The following THSD4 variants were observed in gnomAD, a reference collection of about 807,000 sequenced individuals.
The protein encoded by THSD4 is thrombospondin type 1 domain containing 4, also known as thrombospondin type-1 domain-containing protein 4.
Under a neutral mutation model 119.0 loss-of-function variants are expected in THSD4, and 69 were observed. That is an observed-to-expected ratio of 0.58 (90% CI 0.48 to 0.71). The LOEUF is 0.71. THSD4 is among the 30% of genes least tolerant of loss of function. The pLI is 0.00. For synonymous variants in THSD4, 524 were observed against 540.4 expected (o/e 0.97, Z 0.42); for missense variants, 1,393 against 1,391.1 (o/e 1.00, Z -0.02).
chr15:71,627,436 G>A (rs2050530622), intron 7 of THSD4, among the ~76,000 whole-genome samples: 1 of 152,196 alleles, frequency 6.6e-6, no homozygotes, highest in African/African-American at 2.4e-5. Flanking sequence ...ATCTGAGCTT[G>A]CACAAGCTCA....
intron 1 of THSD4, among the ~76,000 whole-genome samples, chr15:71,130,428 T>C (rs1325231070): frequency 6.6e-6 from 1 of 152,062 alleles, no homozygotes; most frequent in African/African-American, 2.4e-5. Flanking sequence ...CTCAAGTAAT[T>C]CTCAACCTTG....
chr15:71,232,038 A>C (rs991233979), intron 4 of THSD4, among the ~76,000 whole-genome samples: 9 of 151,692 alleles, frequency 5.9e-5, no homozygotes, highest in Non-Finnish European at 1.3e-4. Flanking sequence ...GAGGCTGCAC[A>C]CTCCCTTCCT....
chr15:71,680,849 T>C (rs1418510960), intron 8 of THSD4, among the ~76,000 whole-genome samples: 2 of 152,008 alleles, frequency 1.3e-5, no homozygotes, highest in African/African-American at 2.4e-5. Context: ...GTAAAACAGG[T>C]AAAGCATCTA....
rs572363357 is a variant in THSD4, at chr15:71,222,269, C to A, written c.464+6870C>A. Among the ~76,000 whole-genome samples the A allele has an allele frequency of 2.0e-5, 3 of 152,286 alleles. No homozygotes were observed. The South Asian group carries it at 6.2e-4, about 32-fold the overall frequency. Reference sequence around the variant, plus strand: ...ACAAAGACAGGGTATGAGAGCAGTGCCCTCTCTTATTTGAGGACTTCAGGT... The same window carrying A: ...ACAAAGACAGGGTATGAGAGCAGTGACCTCTCTTATTTGAGGACTTCAGGT... On this transcript the variant is annotated intron_variant, in intron 4 of 17. Coordinates refer to ENST00000261862, the MANE Select transcript of THSD4 (RefSeq NM_024817.3).
chr15:71,174,444 C>T (rs1197784561), intron 3 of THSD4, among the ~76,000 whole-genome samples: 12 of 144,442 alleles, frequency 8.3e-5, no homozygotes, highest in African/African-American at 1.3e-4. Context: ...TAAGAAACGG[C>T]GCACCACGAG....
intron 6 of THSD4, among the ~76,000 whole-genome samples, chr15:71,316,647 A>G (rs2045190130): frequency 6.6e-6 from 1 of 152,142 alleles, no homozygotes; most frequent in Non-Finnish European, 1.5e-5. Flanking sequence ...CTGAAGGCCT[A>G]GATACAACTG....
intron 7 of THSD4, among the ~76,000 whole-genome samples, chr15:71,549,230 C>G (rs570830097): frequency 6.6e-6 from 1 of 152,172 alleles, no homozygotes; most frequent in Non-Finnish European, 1.5e-5. Context: ...CTAGAAAACC[C>G]GATCAGAGGT....
chr15:71,259,900 A>G (rs1279491634), intron 6 of THSD4, among the ~76,000 whole-genome samples: 12 of 152,168 alleles, frequency 7.9e-5, no homozygotes, highest in Admixed American at 7.9e-4. Flanking sequence ...CTTTTGTCTG[A>G]GCTGCACCCT....
intron 7 of THSD4, among the ~76,000 whole-genome samples, chr15:71,622,082 G>A (rs758860143): frequency 3.4e-4 from 51 of 152,176 alleles, no homozygotes; most frequent in Non-Finnish European, 5.3e-4. Flanking sequence ...AGCAATTCCC[G>A]ATGCCAAAAG....
intron 6 of THSD4, among the ~76,000 whole-genome samples, chr15:71,377,925 G>A (rs2046171707): frequency 1.4e-5 from 1 of 72,256 alleles, no homozygotes; most frequent in Non-Finnish European, 3.0e-5. Flanking sequence ...ATTTCCTTCA[G>A]TGACTCTTCT....
chr15:71,549,577 TGTC>T (rs1165225296), intron 7 of THSD4: 11 of 152,242 alleles, frequency 7.2e-5, no homozygotes, highest in African/African-American at 2.4e-4. Flanking sequence ...TCTTTTTTAT[TGTC>T]GTGTTACTTG....
At chr15:71,243,717 C>G (rs2044174209) in intron 5 of THSD4, among the ~76,000 whole-genome samples, 2 of 150,952 alleles carry the variant, frequency 1.3e-5, no homozygotes, top group Admixed American at 6.6e-5. Flanking sequence ...TTGATTTTAT[C>G]TTCATGCATT....
intron 8 of THSD4, among the ~76,000 whole-genome samples, chr15:71,674,311 G>C (rs1042324359): frequency 6.6e-6 from 1 of 152,114 alleles, no homozygotes; most frequent in Non-Finnish European, 1.5e-5. Flanking sequence ...TTTCCAGCTG[G>C]GATGCTCTTG....
intron 4 of THSD4, among the ~76,000 whole-genome samples, chr15:71,216,921 C>T (rs1017584708): frequency 7.9e-5 from 12 of 152,138 alleles, no homozygotes; most frequent in African/African-American, 1.9e-4. Context: ...CTCAGCCTCC[C>T]GAGCAGCTGG....
chr15:71,571,350 A>G (rs1327151553), intron 7 of THSD4, among the ~76,000 whole-genome samples: 4 of 152,088 alleles, frequency 2.6e-5, no homozygotes, highest in Non-Finnish European at 5.9e-5. Context: ...CTATGCCTAG[A>G]TAAATAAACC....
chr15:71,249,784 T>C (rs1180793932), intron 5 of THSD4, among the ~76,000 whole-genome samples: 1 of 152,140 alleles, frequency 6.6e-6, no homozygotes, highest in Non-Finnish European at 1.5e-5. Flanking sequence ...CTTACGTTCA[T>C]TCTCTCTATA....
At chr15:71,394,419 A>AG (rs902242298) in intron 6 of THSD4, among the ~76,000 whole-genome samples, 1 of 151,862 alleles carries the variant, frequency 6.6e-6, no homozygotes, top group African/African-American at 2.4e-5. Flanking sequence ...ACTACAGGCA[A>AG]GTGCCACCAC....
At chr15:71,169,334 T>A (rs1358643020) in intron 3 of THSD4, among the ~76,000 whole-genome samples, 1 of 152,092 alleles carries the variant, frequency 6.6e-6, no homozygotes, top group East Asian at 1.9e-4. Flanking sequence ...CTGGTGGGAG[T>A]TTAAATGGTA....
intron 1 of THSD4, among the ~76,000 whole-genome samples, chr15:71,123,800 C>T (rs1458138044): frequency 2.0e-5 from 3 of 152,164 alleles, no homozygotes; most frequent in African/African-American, 7.2e-5. Flanking sequence ...TATGGGAGGG[C>T]TACATTCTTG....
Sources: gnomAD v4.1 joint callset for allele counts (sites outside exome capture counted in the v4.1 genomes callset) on GRCh38, gnomAD v4.1.1 for gene constraint, MANE v1.5 for transcripts, NCBI Gene and HGNC (gene_info 2026-07-23, HGNC 2026-07-21) for gene names.